Variants in STRBP observed in about 807,000 individuals in gnomAD.
STRBP encodes the protein spermatid perinuclear RNA binding protein, also known as spermatid perinuclear RNA-binding protein.
In STRBP, 13 loss-of-function variants were observed where a neutral mutation model predicts 80.1. That is an observed-to-expected ratio of 0.16 (90% CI 0.11 to 0.26). The LOEUF is 0.26. Ranked by LOEUF, STRBP falls within the 10% of genes least tolerant of loss-of-function variation. STRBP has a pLI of 1.00. For synonymous variants in STRBP, 284 were observed against 291.2 expected (o/e 0.98, Z 0.25); for missense variants, 485 against 815.2 (o/e 0.59, Z 4.93).
rs1387529705 is a variant in STRBP, at chr9:123,124,669, A to C, written c.*928T>G. Reference sequence around the variant, plus strand: ...TGAAAAAAGCCAGGGAGTGAACACAATATCTTACAGAGTGAAGAAGGCCAC... The same window carrying C: ...TGAAAAAAGCCAGGGAGTGAACACACTATCTTACAGAGTGAAGAAGGCCAC... On this transcript the variant is annotated 3_prime_UTR_variant, in exon 19 of 19. Coordinates refer to ENST00000348403, the MANE Select transcript of STRBP (RefSeq NM_018387.5). 1 of 985,372 alleles carries C rather than the reference A, an allele frequency of 1.0e-6. No individual in the cohort carries two copies. The allele number at this position is 985,372 out of a possible 1,614,324, so 61.0% of individuals were successfully genotyped here. A position where few individuals can be genotyped will look rare whatever the true frequency, so the allele number is the denominator to read the frequency against.
At chr9:123,132,666 G>C (rs999226113) in intron 17 of STRBP, among the ~76,000 whole-genome samples, 179 bp downstream of exon 17, 3 of 152,158 alleles carry the variant, frequency 2.0e-5, no homozygotes, top group Non-Finnish European at 4.4e-5. Flanking sequence ...TCCTCACTCA[G>C]CAGATTCCAG....
chr9:123,216,296 T>A (rs1442994584), intron 2 of STRBP, among the ~76,000 whole-genome samples: 1 of 152,240 alleles, frequency 6.6e-6, no homozygotes, highest in Non-Finnish European at 1.5e-5. Flanking sequence ...AGATACTGTG[T>A]TTTGCTCTTG....
intron 2 of STRBP, among the ~76,000 whole-genome samples, chr9:123,215,067 C>CT (rs1189124117): frequency 0.033 from 4,928 of 147,232 alleles, 256 homozygotes; most frequent in African/African-American, 0.11. Context: ...CAATTTCTTT[C>CT]TTTTTTTTTT....
At position 123,146,885 on chromosome 9, in the gene STRBP, C is replaced by T. The variant is rs1266361002; in HGVS notation, c.1308G>A (p.Lys436=). The T allele has an allele frequency of 2.5e-6, 4 of 1,612,884 alleles. No individual in the cohort carries two copies. The highest frequency in any genetic ancestry group is 2.7e-5 in the African/African-American group (2 of 74,986). ...CCGCTACGTGAAGTTTTGCTGTTTT[C>T]TTGGATGGTCCTGAGGCTTCATATG... ...GTTYEASGPS[K]KTAKLHVAVK... is the part of the protein sequence containing the mutation. The change falls in exon 13 of 19, where the codon AAG becomes AAA. Residue 436 remains lysine (K), a synonymous_variant. Coordinates refer to ENST00000348403, the MANE Select transcript of STRBP (RefSeq NM_018387.5).
rs758207943 is a variant in STRBP at position 123,161,074 on chromosome 9, A to G, written c.536-6T>C. The G allele has an allele frequency of 1.9e-6, 3 of 1,589,340 alleles. No individual in the cohort carries two copies. The highest frequency in any genetic ancestry group is 2.7e-5 in the African/African-American group (2 of 73,360). On this transcript the variant is annotated splice_polypyrimidine_tract_variant and splice_region_variant and intron_variant, in intron 6 of 18. Transcript: ENST00000348403. Reference sequence around the variant, plus strand: ...ATCTTTCATCGAAACATTTTCTAACAGTAAAATGGGATAAAGAGAGACAAA... The same window carrying G: ...ATCTTTCATCGAAACATTTTCTAACGGTAAAATGGGATAAAGAGAGACAAA...
At chr9:123,185,441 A>C (rs1588064007) in intron 2 of STRBP, among the ~76,000 whole-genome samples, 1 of 152,182 alleles carries the variant, frequency 6.6e-6, no homozygotes, top group South Asian at 2.1e-4. Flanking sequence ...GATTCTAATA[A>C]ATGGGACTTA....
At chr9:123,200,762 T>TTTTTTTTTTTTG (rs1554762956) in intron 2 of STRBP, among the ~76,000 whole-genome samples, 2 of 133,486 alleles carry the variant, frequency 1.5e-5, no homozygotes, top group Non-Finnish European at 3.1e-5. Flanking sequence ...TTTTTTTTTT[T>TTTTTTTTTTTTG]AGTAGAGACC....
chr9:123,235,350 C>G (rs866902621), intron 2 of STRBP, among the ~76,000 whole-genome samples: 14 of 149,526 alleles, frequency 9.4e-5, no homozygotes, highest in Middle Eastern at 3.5e-3. Context: ...TAATGGATTA[C>G]AGAGATACAG....
At chr9:123,232,855 GAA>G (rs2040436858) in intron 2 of STRBP, among the ~76,000 whole-genome samples, 1 of 152,140 alleles carries the variant, frequency 6.6e-6, no homozygotes, top group Non-Finnish European at 1.5e-5. Context: ...ATTATCTGTA[GAA>G]GACAGCTGAT....
chr9:123,224,385 C>T (rs2132562126), intron 2 of STRBP, among the ~76,000 whole-genome samples: 1 of 152,304 alleles, frequency 6.6e-6, no homozygotes, highest in Non-Finnish European at 1.5e-5. Flanking sequence ...TACCTATTAC[C>T]TCCTGAATCA....
At chr9:123,114,898 T>C in intron 3 of STRBP, 1 of 305,176 alleles carries the variant, frequency 3.3e-6, no homozygotes, top group Non-Finnish European at 6.7e-6. Flanking sequence ...TGTGAGGAGA[T>C]GCCATTCCTG....
At chr9:123,220,244 T>C (rs1425335098) in intron 2 of STRBP, among the ~76,000 whole-genome samples, 3 of 152,226 alleles carry the variant, frequency 2.0e-5, no homozygotes, top group African/African-American at 7.2e-5. Context: ...ACCTAAGAAA[T>C]GTGTCACTAG....
intron 12 of STRBP, among the ~76,000 whole-genome samples, chr9:123,147,305 G>A (rs1409340190): frequency 7.2e-5 from 11 of 151,922 alleles, no homozygotes; most frequent in Non-Finnish European, 1.6e-4. Flanking sequence ...AAAAAAGCTT[G>A]GAAACAAAAA....
chr9:123,201,662 G>A (rs548620582), intron 2 of STRBP, among the ~76,000 whole-genome samples: 1 of 152,274 alleles, frequency 6.6e-6, no homozygotes, highest in African/African-American at 2.4e-5. Flanking sequence ...GACTTGCTTT[G>A]TGGCCTATCA....
chr9:123,132,851 C>T lies in STRBP; in HGVS notation c.1891G>A (p.Ala631Thr). 1 of 1,614,054 alleles carries T rather than the reference C, an allele frequency of 6.2e-7. No individual in the cohort carries two copies. Among genetic ancestry groups the T allele is most frequent in the Admixed American group, 1.7e-5 (1 of 60,014 alleles). ...VGATAAPGYIAPGYGTPYGYS... is the reference protein window; with the variant it reads ...VGATAAPGYITPGYGTPYGYS... ...CTTGCAGTTTGTACTATACCTGGAG[C>T]TATGTAGCCAGGAGCAGCTGTCGCC... Residue 631 changes from alanine to threonine, a missense_variant, in exon 17 of 19, where the codon GCT becomes ACT. This residue lies in a region of STRBP where 85 missense variants were observed against 120.1 expected (regional missense o/e 0.71). Coordinates refer to ENST00000348403, the MANE Select transcript of STRBP (RefSeq NM_018387.5).
intron 3 of STRBP, chr9:123,113,106 A>C (rs2035593648): frequency 6.0e-6 from 1 of 167,086 alleles, no homozygotes; most frequent in Admixed American, 6.5e-5. Context: ...TCTCTTCCCC[A>C]CTCTAATACC....
In STRBP at chr9:123,124,108, T is replaced by A. The variant is rs2035812154; in HGVS notation, c.*1489A>T. 1.0e-6 allele frequency: 1 copy of A among 985,354 alleles called. No individual in the cohort carries two copies. The highest frequency in any genetic ancestry group is 1.2e-6 in the Non-Finnish European group (1 of 829,938). 61.0% of individuals were successfully genotyped at this position (985,354 alleles called of 1,614,324 possible). The stretch of plus-strand genomic sequence containing the variant: ...TTTGTTGTACATTGCCCATTTCACC[T>A]TTATTTAGTGGTCCCGAAGGAATTT... On this transcript the variant is annotated 3_prime_UTR_variant, in exon 19 of 19. Coordinates refer to ENST00000348403, the MANE Select transcript of STRBP (RefSeq NM_018387.5).
At chr9:123,263,936 T>G (rs1414027385) in intron 1 of STRBP, among the ~76,000 whole-genome samples, 1 of 152,204 alleles carries the variant, frequency 6.6e-6, no homozygotes, top group Non-Finnish European at 1.5e-5. Context: ...TCCCAGCACT[T>G]TGGGAGGCCG....
At chr9:123,235,581 C>A (rs1588142097) in intron 2 of STRBP, among the ~76,000 whole-genome samples, 1 of 25,688 alleles carries the variant, frequency 3.9e-5, no homozygotes, top group African/African-American at 1.7e-4. Context: ...GAGACAAGTT[C>A]AGCAAAAAAA....
Sources: allele counts gnomAD v4.1 joint callset (sites outside exome capture counted in the v4.1 genomes callset), GRCh38; gene constraint gnomAD v4.1.1; regional missense constraint gnomAD v4.1.1; transcripts MANE v1.5; gene names NCBI Gene and HGNC (gene_info 2026-07-23, HGNC 2026-07-21).